The following L3MBTL4 variants were observed in gnomAD, a reference collection of about 807,000 sequenced individuals.
L3MBTL4 encodes the protein lethal(3)malignant brain tumor-like protein 4.
In L3MBTL4, 70 loss-of-function variants were observed where a neutral mutation model predicts 84.5. The ratio of observed to expected loss-of-function variants is 0.83; its 90% CI spans 0.68 to 1.01. L3MBTL4 has a LOEUF of 1.01. L3MBTL4 is among the 50% of genes least tolerant of loss of function. The probability of loss-of-function intolerance (pLI) is 0.00; values close to 1 mark genes in which losing one functional copy is unlikely to be tolerated. For missense variants in L3MBTL4, 715 were observed against 754.8 expected, an observed-to-expected ratio of 0.95 and a Z score of 0.62; for synonymous variants, 274 against 259.8, an observed-to-expected ratio of 1.05 and a Z score of -0.52.
intron 16 of L3MBTL4, among the ~76,000 whole-genome samples, chr18:6,000,333 G>A (rs764803045): frequency 7.2e-5 from 11 of 152,092 alleles, no homozygotes; most frequent in Admixed American, 4.6e-4. Context: ...GTGACAATTC[G>A]AGGAAGAGAC....
intron 16 of L3MBTL4, among the ~76,000 whole-genome samples, chr18:6,049,934 GA>G (rs1272025412): frequency 3.3e-5 from 5 of 152,142 alleles, no homozygotes; most frequent in African/African-American, 1.2e-4. Context: ...TAATTGCACA[GA>G]GCACACCTCT....
intron 1 of L3MBTL4, among the ~76,000 whole-genome samples, chr18:6,382,276 C>T (rs968706062): frequency 6.6e-6 from 1 of 152,182 alleles, no homozygotes; most frequent in African/African-American, 2.4e-5. Flanking sequence ...TGGGTTAGAG[C>T]ATGCTCCTTT....
chr18:6,373,889 T>C (rs2054261509), intron 1 of L3MBTL4, among the ~76,000 whole-genome samples: 1 of 152,216 alleles, frequency 6.6e-6, no homozygotes, highest in Non-Finnish European at 1.5e-5. Context: ...TATTTTGTTT[T>C]GTTTTGTTTC....
chr18:6,103,444 C>CT (rs1185318527), intron 14 of L3MBTL4, among the ~76,000 whole-genome samples: 3 of 152,020 alleles, frequency 2.0e-5, no homozygotes, highest in Non-Finnish European at 2.9e-5. Flanking sequence ...TGTTTTTCCT[C>CT]TTTTTTAAAA....
intron 1 of L3MBTL4, among the ~76,000 whole-genome samples, chr18:6,409,044 G>T (rs1476037812): frequency 2.0e-5 from 3 of 152,126 alleles, no homozygotes. Flanking sequence ...TCTTCTGTCT[G>T]CCTACTTCCC....
intron 10 of L3MBTL4, among the ~76,000 whole-genome samples, chr18:6,237,572 C>A (rs1417852474): frequency 6.6e-6 from 1 of 150,578 alleles, no homozygotes; most frequent in Non-Finnish European, 1.5e-5. Context: ...TCTCCTGCCT[C>A]AGCCTCCCAA....
chr18:5,992,699 G>A (rs2053759902), intron 16 of L3MBTL4, among the ~76,000 whole-genome samples: 1 of 152,076 alleles, frequency 6.6e-6, no homozygotes, highest in Non-Finnish European at 1.5e-5. Context: ...TTAAAAGTGT[G>A]TGGCACCCTC....
At chr18:6,086,468 C>T (rs1260071963) in intron 15 of L3MBTL4, among the ~76,000 whole-genome samples, 1 of 152,082 alleles carries the variant, frequency 6.6e-6, no homozygotes, top group Non-Finnish European at 1.5e-5. Context: ...AACGTTTCAG[C>T]ATAACTGTAC....
At chr18:6,298,878 A>C (rs115614813) in intron 4 of L3MBTL4, among the ~76,000 whole-genome samples, 3,510 of 152,236 alleles carry the variant, frequency 0.023, 125 homozygotes, top group African/African-American at 0.077. Context: ...CTGTCCAAAA[A>C]AAAACAAAAC....
chr18:6,318,637 C>T (rs1377944034), intron 1 of L3MBTL4, among the ~76,000 whole-genome samples: 2 of 150,068 alleles, frequency 1.3e-5, no homozygotes, highest in Admixed American at 6.7e-5. Flanking sequence ...AAAACAATTA[C>T]TATTAGACCT....
intron 9 of L3MBTL4, among the ~76,000 whole-genome samples, chr18:6,239,327 C>A (rs1281806324): frequency 8.0e-6 from 1 of 125,234 alleles, no homozygotes. Context: ...GGCGACAGAG[C>A]GAGACTCCGT....
chr18:6,081,045 G>T (rs1292738620), intron 15 of L3MBTL4, 94 bp from the exon 16 acceptor site: 13 of 832,630 alleles, frequency 1.6e-5, no homozygotes, highest in Non-Finnish European at 1.9e-6. Context: ...AAACTGCAGG[G>T]TAAACAATAG....
chr18:6,096,107 T>C (rs1219101944), intron 14 of L3MBTL4, among the ~76,000 whole-genome samples: 1 of 152,102 alleles, frequency 6.6e-6, no homozygotes, highest in Non-Finnish European at 1.5e-5. Flanking sequence ...TACCCCTATG[T>C]GGTTCATGCT....
At chr18:6,199,105 T>C (rs1027002465) in intron 12 of L3MBTL4, among the ~76,000 whole-genome samples, 6 of 152,192 alleles carry the variant, frequency 3.9e-5, no homozygotes, top group African/African-American at 1.4e-4. Flanking sequence ...AGACAGCAAA[T>C]AGTTGACCTA....
intron 1 of L3MBTL4, among the ~76,000 whole-genome samples, chr18:6,371,052 T>C (rs1273010785): frequency 6.6e-6 from 1 of 152,138 alleles, no homozygotes; most frequent in Admixed American, 6.5e-5. Flanking sequence ...CACAGTTTTG[T>C]TTTGTTTTTT....
intron 8 of L3MBTL4, among the ~76,000 whole-genome samples, chr18:6,240,892 G>A (rs929023270): frequency 6.6e-5 from 10 of 152,252 alleles, no homozygotes; most frequent in African/African-American, 2.4e-4. Flanking sequence ...CTGGGGACAC[G>A]GATGGCATAA....
At chr18:6,174,394 G>C (rs1303273356) in intron 12 of L3MBTL4, among the ~76,000 whole-genome samples, 4 of 152,096 alleles carry the variant, frequency 2.6e-5, no homozygotes, top group African/African-American at 4.8e-5. Context: ...AATTTCAGGA[G>C]AGAAATGGAA....
intron 17 of L3MBTL4, among the ~76,000 whole-genome samples, chr18:5,968,982 A>T (rs1333057597): frequency 3.9e-5 from 6 of 152,168 alleles, no homozygotes; most frequent in Admixed American, 3.9e-4. Flanking sequence ...CTTGAGGTGC[A>T]GGATGTCCTG....
At chr18:6,183,434 C>T (rs1020224387) in intron 12 of L3MBTL4, among the ~76,000 whole-genome samples, 1 of 152,192 alleles carries the variant, frequency 6.6e-6, no homozygotes, top group African/African-American at 2.4e-5. Context: ...AGGTCGTTGC[C>T]TTTGTAACTG....
Sources: allele counts gnomAD v4.1 joint callset (sites outside exome capture counted in the v4.1 genomes callset), GRCh38; gene constraint gnomAD v4.1.1; transcripts MANE v1.5; gene names NCBI Gene and HGNC (gene_info 2026-07-23, HGNC 2026-07-21).